TMEM200A: variants seen among roughly 807,000 people sequenced by gnomAD.
TMEM200A encodes two transmembrane C.
A neutral mutation model predicts 24.3 loss-of-function variants in TMEM200A; 12 were observed. The observed-to-expected ratio is 0.49, with a 90% confidence interval of 0.32 to 0.80. The LOEUF is 0.80. Ranked by LOEUF, TMEM200A falls within the 30% of genes least tolerant of loss-of-function variation. The pLI is 0.04. For missense variants in TMEM200A, 545 were observed against 614.4 expected (o/e 0.89, Z 1.19); for synonymous variants, 224 against 224.4 (o/e 1.00, Z 0.02).
chr6:130,430,276 C>G (rs925935094), intron 2 of TMEM200A, among the ~76,000 whole-genome samples: 1 of 152,004 alleles, frequency 6.6e-6, no homozygotes, highest in Admixed American at 6.6e-5. Context: ...TTAATCCCAT[C>G]ATGGACTCTA....
chr6:130,423,283 G>GTATC (rs375645124), intron 2 of TMEM200A, among the ~76,000 whole-genome samples: 1 of 152,014 alleles, frequency 6.6e-6, no homozygotes, highest in East Asian at 1.9e-4. Flanking sequence ...GTATATTTTG[G>GTATC]TATCTATCTA....
chr6:130,386,698 A>G (rs1321761704), intron 2 of TMEM200A, among the ~76,000 whole-genome samples: 2 of 152,228 alleles, frequency 1.3e-5, no homozygotes, highest in Non-Finnish European at 2.9e-5. Context: ...TTTTGTTTTC[A>G]CCAAAAAATT....
At chr6:130,440,377 C>A (rs371651983) in intron 2 of TMEM200A, 30 bp from the exon 3 acceptor site, 12 of 1,498,638 alleles carry the variant, frequency 8.0e-6, no homozygotes, top group Non-Finnish European at 1.1e-5. Context: ...ATATTTACAT[C>A]ATCTTTTTCC....
chr6:130,383,878 G>A (rs536529701), intron 1 of TMEM200A, among the ~76,000 whole-genome samples: 21 of 152,188 alleles, frequency 1.4e-4, no homozygotes, highest in South Asian at 4.1e-4. Flanking sequence ...AGCACTTTGG[G>A]AGGCTGAGAC....
intron 2 of TMEM200A, among the ~76,000 whole-genome samples, chr6:130,428,475 T>G (rs188508394): frequency 6.6e-6 from 1 of 152,288 alleles, no homozygotes; most frequent in African/African-American, 2.4e-5. Flanking sequence ...TTCATTTCAC[T>G]TTCTCTGTTT....
At chr6:130,382,218 G>A (rs932915935) in intron 1 of TMEM200A, among the ~76,000 whole-genome samples, 12 of 152,172 alleles carry the variant, frequency 7.9e-5, no homozygotes, top group African/African-American at 2.7e-4. Flanking sequence ...TTGGTGGGGG[G>A]CAGTATGAAA....
intron 2 of TMEM200A, among the ~76,000 whole-genome samples, chr6:130,407,896 C>CT (rs1176466979): frequency 1.3e-5 from 2 of 152,220 alleles, no homozygotes; most frequent in East Asian, 3.9e-4. Flanking sequence ...GTCTGCTATC[C>CT]TTTTTATTTT....
At chr6:130,380,700 T>C (rs931916612) in intron 1 of TMEM200A, among the ~76,000 whole-genome samples, 2 of 152,202 alleles carry the variant, frequency 1.3e-5, no homozygotes, top group African/African-American at 4.8e-5. Flanking sequence ...TGGTAGTACA[T>C]GAAATGAATA....
chr6:130,409,951 T>G (rs1320423932), intron 2 of TMEM200A, among the ~76,000 whole-genome samples: 1 of 152,172 alleles, frequency 6.6e-6, no homozygotes, highest in East Asian at 1.9e-4. Flanking sequence ...AATTTTTAGT[T>G]TTTAGAAGAT....
At chr6:130,395,769 A>G (rs1316308107) in intron 2 of TMEM200A, among the ~76,000 whole-genome samples, 1 of 152,248 alleles carries the variant, frequency 6.6e-6, no homozygotes, top group Non-Finnish European at 1.5e-5. Context: ...ATCCAAGAAG[A>G]TAATTCAAGG....
chr6:130,413,606 A>T (rs1451475454), intron 2 of TMEM200A, among the ~76,000 whole-genome samples: 1 of 152,090 alleles, frequency 6.6e-6, no homozygotes, highest in Non-Finnish European at 1.5e-5. Context: ...AGCATCTCCT[A>T]TCACAACCCT....
intron 2 of TMEM200A, among the ~76,000 whole-genome samples, chr6:130,427,072 C>T (rs1779762399): frequency 6.6e-6 from 1 of 152,200 alleles, no homozygotes; most frequent in Non-Finnish European, 1.5e-5. Context: ...CTACACTCCA[C>T]CTGCTTTAAA....
Position 130,373,877 on chromosome 6 carries a change from T to C in TMEM200A, c.-81+7353T>C, listed in dbSNP as rs542436414. ...CCCTTCACATGCTCTCACTAGGTGA[T>C]TGTTTTTATTTTTAAATTTAAAAAA... On this transcript the variant is annotated intron_variant, in intron 1 of 2. Coordinates refer to ENST00000296978, the MANE Select transcript of TMEM200A (RefSeq NM_001258277.2). 3.0e-4 allele frequency among the ~76,000 whole-genome samples: 45 copies of C among 152,290 alleles called. 2 individuals are homozygous for C. The highest frequency in any genetic ancestry group is 9.9e-4 in the African/African-American group (41 of 41,572).
intron 2 of TMEM200A, among the ~76,000 whole-genome samples, chr6:130,425,566 C>CAATT (rs1392053983): frequency 6.6e-6 from 1 of 152,128 alleles, no homozygotes; most frequent in Non-Finnish European, 1.5e-5. Context: ...GAAAGCTGAG[C>CAATT]AATTACTTCA....
At chr6:130,412,440 C>G (rs916675886) in intron 2 of TMEM200A, among the ~76,000 whole-genome samples, 4 of 152,106 alleles carry the variant, frequency 2.6e-5, no homozygotes, top group Non-Finnish European at 4.4e-5. Context: ...CACAGGGAGT[C>G]CCATCTCAGC....
chr6:130,403,137 A>G (rs927461393), intron 2 of TMEM200A, among the ~76,000 whole-genome samples: 1 of 152,108 alleles, frequency 6.6e-6, no homozygotes, highest in Non-Finnish European at 1.5e-5. Context: ...AAGCATTTGG[A>G]TAGTAGATGG....
chr6:130,387,931 T>C (rs1778747210), intron 2 of TMEM200A, among the ~76,000 whole-genome samples: 1 of 152,182 alleles, frequency 6.6e-6, no homozygotes, highest in African/African-American at 2.4e-5. Flanking sequence ...AGTGTAAGGG[T>C]AGGTATTCCT....
chr6:130,411,842 A>T (rs931377236), intron 2 of TMEM200A, among the ~76,000 whole-genome samples: 1 of 152,166 alleles, frequency 6.6e-6, no homozygotes, highest in African/African-American at 2.4e-5. Context: ...TGCCACTGTA[A>T]AACTGCATGA....
rs1306203145 is a variant in TMEM200A at position 130,441,298 on chromosome 6, G to T, written c.876G>T (p.Val292=). The T allele has an allele frequency of 6.2e-6, 10 of 1,613,954 alleles. No homozygotes were observed. In the East Asian group the frequency reaches 2.2e-4, roughly 36 times the overall value. The part of the protein sequence containing the change: ...SSSISAFTLP[V]IKLNNCVIDE... ...CCATCAGTGCTTTTACATTGCCTGT[G>T]ATCAAACTTAATAACTGTGTTATTG... Residue 292 remains valine (V), a synonymous_variant, in exon 3 of 3, where the codon GTG becomes GTT. Coordinates refer to ENST00000296978, the MANE Select transcript of TMEM200A (RefSeq NM_001258277.2).
Sources: allele counts gnomAD v4.1 joint callset (sites outside exome capture counted in the v4.1 genomes callset), GRCh38; gene constraint gnomAD v4.1.1; transcripts MANE v1.5; gene names NCBI Gene and HGNC (gene_info 2026-07-23, HGNC 2026-07-21).